FOXK2: variants seen among roughly 807,000 people sequenced by gnomAD.
FOXK2 encodes forkhead box protein K2.
A neutral mutation model predicts 53.3 loss-of-function variants in FOXK2; 24 were observed. The observed-to-expected ratio is 0.45, with a 90% confidence interval of 0.33 to 0.63. FOXK2 has a LOEUF of 0.63. FOXK2 is among the 30% of genes least tolerant of loss of function. The probability of loss-of-function intolerance (pLI) is 0.03; values close to 1 mark genes in which losing one functional copy is unlikely to be tolerated. For synonymous variants in FOXK2, 505 were observed against 407.1 expected, an observed-to-expected ratio of 1.24 and a Z score of -2.89; for missense variants, 952 against 910.5, an observed-to-expected ratio of 1.05 and a Z score of -0.59.
intron 6 of FOXK2, among the ~76,000 whole-genome samples, chr17:82,584,570 T>TTTTTC (rs2045110125): frequency 2.0e-5 from 2 of 100,648 alleles, no homozygotes; most frequent in African/African-American, 9.2e-5. Flanking sequence ...TTTTTTTTTT[T>TTTTTC]TTTTGAGACA....
Position 82,564,086 on chromosome 17 carries a change from G to GTT in FOXK2, c.614+554_614+555dup, listed in dbSNP as rs35624921. Among the ~76,000 whole-genome samples the GTT allele has an allele frequency of 1.9e-3, 227 of 120,578 alleles. 5 individuals carry two copies. Among genetic ancestry groups the GTT allele is most frequent in the African/African-American group, 7.0e-3 (215 of 30,864 alleles). The allele number at this position is 120,578 out of a possible 152,430, so 79.1% of individuals were successfully genotyped here. A position where few individuals can be genotyped will look rare whatever the true frequency, so the allele number is the denominator to read the frequency against. ...TTCTTTAAAAGATGTTTTTAAAGTG[G>GTT]TTTTTTTTTTTTTTTTTGGGAGATG... is the stretch of plus-strand genomic sequence containing the variant. On this transcript the variant is annotated intron_variant, in intron 2 of 8. Transcript: ENST00000335255.
intron 8 of FOXK2, among the ~76,000 whole-genome samples, chr17:82,589,334 A>G (rs1169002163): frequency 1.3e-5 from 2 of 152,222 alleles, no homozygotes; most frequent in Non-Finnish European, 2.9e-5. Flanking sequence ...CAGGTTTTGT[A>G]CGAGTCACAT....
intron 8 of FOXK2, among the ~76,000 whole-genome samples, chr17:82,588,942 GT>G (rs2045226308): frequency 6.7e-6 from 1 of 149,570 alleles, no homozygotes; most frequent in African/African-American, 2.5e-5. Flanking sequence ...GCCTGTAGTT[GT>G]AGCTTCTCGG....
At chr17:82,591,778 TGCCGCC>T (rs2045255187) in intron 8 of FOXK2, among the ~76,000 whole-genome samples, 1 of 152,212 alleles carries the variant, frequency 6.6e-6, no homozygotes, top group Admixed American at 6.5e-5. Context: ...GGGCTGCGGG[TGCCGCC>T]GTCCACACCA....
At position 82,601,285 on chromosome 17, in the gene FOXK2, TC is replaced by T; in HGVS notation, c.1787-15del. 6.2e-7 allele frequency: 1 copy of T among 1,604,956 alleles called. No individual in the cohort carries two copies. Among genetic ancestry groups the T allele is most frequent in the East Asian group, 2.3e-5 (1 of 43,610 alleles). ...TCACGTGAGAGCGTGGGGTTCTGAC[TC>T]CCTCGTGTCATTTCAGCCGCGGCGA... On this transcript the variant is annotated splice_polypyrimidine_tract_variant and intron_variant, in intron 8 of 8. Coordinates refer to ENST00000335255, the MANE Select transcript of FOXK2 (RefSeq NM_004514.4).
chr17:82,552,842 G>A (rs185233031), intron 1 of FOXK2, among the ~76,000 whole-genome samples: 73 of 152,310 alleles, frequency 4.8e-4, no homozygotes, highest in Admixed American at 4.7e-3. Context: ...CTGCTCAAGC[G>A]TCTCCGCGTG....
intron 8 of FOXK2, among the ~76,000 whole-genome samples, chr17:82,591,404 G>C (rs924389677): frequency 2.0e-5 from 3 of 152,102 alleles, no homozygotes; most frequent in Non-Finnish European, 2.9e-5. Context: ...TGTGTCCCCT[G>C]CTCTGCTCCA....
chr17:82,601,151 G>T, intron 8 of FOXK2, 152 bp from the exon 9 acceptor site: 1 of 819,242 alleles, frequency 1.2e-6, no homozygotes, highest in Non-Finnish European at 1.9e-6. Context: ...GGGAGCCTCC[G>T]CGGGCCTGGG....
At chr17:82,591,578 G>T (rs992015557) in intron 8 of FOXK2, among the ~76,000 whole-genome samples, 3 of 152,162 alleles carry the variant, frequency 2.0e-5, no homozygotes, top group Admixed American at 1.3e-4. Context: ...GTGTGGGGAG[G>T]GCTTGAGGCC....
intron 1 of FOXK2, among the ~76,000 whole-genome samples, chr17:82,534,600 G>A (rs1458022704): frequency 6.6e-6 from 1 of 152,142 alleles, no homozygotes; most frequent in Non-Finnish European, 1.5e-5. Context: ...CTGGGACTGC[G>A]CTACTGGAGC....
intron 1 of FOXK2, among the ~76,000 whole-genome samples, chr17:82,545,946 TGTGTGAGATCCA>T (rs1457131319): frequency 6.6e-6 from 1 of 152,176 alleles, no homozygotes; most frequent in Admixed American, 6.5e-5. Flanking sequence ...CCATTTACAC[TGTGTGAGATCCA>T]GTTCAGGGTG....
chr17:82,550,502 C>CTTT (rs1304088522), intron 1 of FOXK2, among the ~76,000 whole-genome samples: 18 of 126,870 alleles, frequency 1.4e-4, no homozygotes, highest in African/African-American at 2.9e-4. Context: ...CTGAGGCGGG[C>CTTT]TTTTTTTTTT....
intron 1 of FOXK2, among the ~76,000 whole-genome samples, chr17:82,549,739 C>T (rs1218698910): frequency 1.3e-5 from 2 of 152,244 alleles, no homozygotes; most frequent in African/African-American, 2.4e-5. Context: ...CTAACACTAG[C>T]CTCCTGGTTA....
chr17:82,532,749 G>A (rs1009243600), intron 1 of FOXK2, among the ~76,000 whole-genome samples: 6 of 151,658 alleles, frequency 4.0e-5, no homozygotes, highest in Non-Finnish European at 7.4e-5. Context: ...TGTATTTTTA[G>A]TAGAGATGGG....
At chr17:82,591,509 G>A (rs1206310110) in intron 8 of FOXK2, among the ~76,000 whole-genome samples, 14 of 152,226 alleles carry the variant, frequency 9.2e-5, no homozygotes, top group Admixed American at 4.6e-4. Context: ...TCCTCTTACA[G>A]GAAGGGAAGC....
chr17:82,542,964 G>C (rs912109665), intron 1 of FOXK2, among the ~76,000 whole-genome samples: 1 of 152,210 alleles, frequency 6.6e-6, no homozygotes, highest in African/African-American at 2.4e-5. Context: ...GCTGCAGTGA[G>C]CCGTGATTGC....
chr17:82,530,259 G>T (rs2044460162), intron 1 of FOXK2, among the ~76,000 whole-genome samples: 1 of 152,074 alleles, frequency 6.6e-6, no homozygotes, highest in Admixed American at 6.6e-5. Context: ...GGGTGGCTGA[G>T]GCAGGCGGAT....
At chr17:82,582,631 GC>G in intron 4 of FOXK2, 109 bp from the exon 5 acceptor site, 2 of 839,328 alleles carry the variant, frequency 2.4e-6, no homozygotes, top group East Asian at 5.7e-5. Context: ...CTTGCAGTCT[GC>G]CAGGCCCAAC....
At chr17:82,533,561 T>A (rs2044492463) in intron 1 of FOXK2, among the ~76,000 whole-genome samples, 1 of 152,150 alleles carries the variant, frequency 6.6e-6, no homozygotes, top group South Asian at 2.1e-4. Context: ...TATTACATAT[T>A]GTACGCGATC....
Sources: gnomAD v4.1 joint callset for allele counts (sites outside exome capture counted in the v4.1 genomes callset) on GRCh38, gnomAD v4.1.1 for gene constraint, MANE v1.5 for transcripts, NCBI Gene and HGNC (gene_info 2026-07-23, HGNC 2026-07-21) for gene names.